Variants in CCSER1 observed in about 807,000 individuals in gnomAD.
CCSER1 encodes the protein coiled-coil serine rich protein 1, also known as serine-rich coiled-coil domain-containing protein 1.
Under a neutral mutation model 82.0 loss-of-function variants are expected in CCSER1, and 41 were observed. The observed-to-expected ratio is 0.50, with a 90% confidence interval of 0.39 to 0.65. The LOEUF (loss-of-function observed/expected upper bound fraction) is 0.65. CCSER1 is among the 30% of genes least tolerant of loss of function. CCSER1 has a pLI of 0.00. For missense variants in CCSER1, 1,119 were observed against 1,064.2 expected, an observed-to-expected ratio of 1.05 and a Z score of -0.72; for synonymous variants, 414 against 383.9, an observed-to-expected ratio of 1.08 and a Z score of -0.92.
chr4:90,734,945 G>GT (rs1249544415), intron 7 of CCSER1, among the ~76,000 whole-genome samples: 1 of 152,184 alleles, frequency 6.6e-6, no homozygotes, highest in Non-Finnish European at 1.5e-5. Flanking sequence ...AGCATAAGCT[G>GT]TGGGTCTGTC....
At chr4:91,172,719 G>T (rs761193452) in intron 10 of CCSER1, among the ~76,000 whole-genome samples, 16 of 152,060 alleles carry the variant, frequency 1.1e-4, no homozygotes, top group Non-Finnish European at 2.1e-4. Flanking sequence ...TCATCCAGGG[G>T]TTTTCCTCCT....
intron 6 of CCSER1, among the ~76,000 whole-genome samples, chr4:90,628,956 A>G (rs114764936): frequency 5.1e-4 from 77 of 152,298 alleles, no homozygotes; most frequent in African/African-American, 1.7e-3. Flanking sequence ...TAGAAATTTT[A>G]AATTATTTTT....
At chr4:90,417,262 C>CT (rs201880242) in intron 4 of CCSER1, among the ~76,000 whole-genome samples, 2,701 of 151,970 alleles carry the variant, frequency 0.018, 48 homozygotes, top group African/African-American at 0.036. Context: ...AATGCATGAA[C>CT]TTTTTTTCTG....
chr4:91,045,125 T>C (rs1319872997), intron 9 of CCSER1, among the ~76,000 whole-genome samples: 2 of 152,186 alleles, frequency 1.3e-5, no homozygotes, highest in African/African-American at 2.4e-5. Flanking sequence ...GCTCTAGTTT[T>C]TGGTAAAATA....
At chr4:91,155,762 C>G (rs1161662707) in intron 10 of CCSER1, among the ~76,000 whole-genome samples, 1 of 151,648 alleles carries the variant, frequency 6.6e-6, no homozygotes, top group African/African-American at 2.4e-5. Context: ...GAAAAGATAA[C>G]AGGATATTGA....
chr4:91,159,693 A>G (rs1004984495), intron 10 of CCSER1, among the ~76,000 whole-genome samples: 2 of 151,988 alleles, frequency 1.3e-5, no homozygotes, highest in Admixed American at 6.6e-5. Flanking sequence ...TTTAAAAATT[A>G]GAATCAGTGA....
intron 8 of CCSER1, among the ~76,000 whole-genome samples, chr4:90,886,398 A>T (rs903642711): frequency 2.2e-4 from 34 of 152,274 alleles, no homozygotes; most frequent in Admixed American, 2.0e-3. Flanking sequence ...AATAATTATC[A>T]GCCTAAGTGA....
At chr4:90,945,030 T>C (rs1455293164) in intron 9 of CCSER1, among the ~76,000 whole-genome samples, 1 of 152,194 alleles carries the variant, frequency 6.6e-6, no homozygotes, top group Non-Finnish European at 1.5e-5. Context: ...TTCCGTGTTT[T>C]GAATGTTTTA....
intron 10 of CCSER1, among the ~76,000 whole-genome samples, chr4:91,188,273 T>G (rs905181736): frequency 5.9e-5 from 9 of 152,278 alleles, no homozygotes; most frequent in African/African-American, 1.7e-4. Context: ...TTCTCAGTTT[T>G]CAGGAAACAT....
intron 9 of CCSER1, among the ~76,000 whole-genome samples, chr4:91,062,387 G>A (rs1744032991): frequency 6.6e-6 from 1 of 151,942 alleles, no homozygotes; most frequent in South Asian, 2.1e-4. Flanking sequence ...TGCTGATCTG[G>A]CTCATTGTAC....
intron 5 of CCSER1, among the ~76,000 whole-genome samples, chr4:90,478,741 T>C (rs187980436): frequency 6.6e-6 from 1 of 150,526 alleles, no homozygotes; most frequent in Non-Finnish European, 1.5e-5. Flanking sequence ...CTTTTTTTTT[T>C]TTTTTTTTAT....
intron 7 of CCSER1, among the ~76,000 whole-genome samples, chr4:90,788,682 T>C (rs1754845996): frequency 6.6e-6 from 1 of 152,200 alleles, no homozygotes; most frequent in Non-Finnish European, 1.5e-5. Flanking sequence ...AAATAATATA[T>C]CCTGACTTAC....
chr4:90,203,608 G>T (rs530972094), intron 1 of CCSER1, among the ~76,000 whole-genome samples: 3 of 152,308 alleles, frequency 2.0e-5, no homozygotes, highest in African/African-American at 7.2e-5. Flanking sequence ...ATGGGCATTT[G>T]AGTTGGTTCC....
intron 8 of CCSER1, among the ~76,000 whole-genome samples, chr4:90,922,688 A>G (rs113160324): frequency 0.014 from 2,111 of 152,274 alleles, 23 homozygotes; most frequent in Non-Finnish European, 0.023. Flanking sequence ...AGAGGCATTT[A>G]GTAAATACAT....
At chr4:90,995,590 T>G (rs1373296958) in intron 9 of CCSER1, among the ~76,000 whole-genome samples, 2 of 152,122 alleles carry the variant, frequency 1.3e-5, no homozygotes, top group East Asian at 3.8e-4. Context: ...TGAGATTACT[T>G]TCTACTCACA....
At chr4:90,769,704 A>G (rs1668567940) in intron 7 of CCSER1, among the ~76,000 whole-genome samples, 1 of 152,194 alleles carries the variant, frequency 6.6e-6, no homozygotes, top group East Asian at 1.9e-4. Context: ...GTATTTATGG[A>G]ACTAGACCTG....
chr4:90,672,537 C>T (rs1210030587), intron 6 of CCSER1, among the ~76,000 whole-genome samples: 1 of 152,000 alleles, frequency 6.6e-6, no homozygotes, highest in Non-Finnish European at 1.5e-5. Context: ...ACTTTTTCTG[C>T]ACCAGCAATA....
At chr4:91,426,722 G>A (rs1005629909) in intron 10 of CCSER1, among the ~76,000 whole-genome samples, 1 of 152,048 alleles carries the variant, frequency 6.6e-6, no homozygotes, top group Admixed American at 6.6e-5. Flanking sequence ...TCTGATTTGT[G>A]TGTTTGCATA....
chr4:91,388,754 A>G (rs973782726), intron 10 of CCSER1, among the ~76,000 whole-genome samples: 4 of 152,006 alleles, frequency 2.6e-5, no homozygotes, highest in African/African-American at 9.7e-5. Flanking sequence ...GTAGCTTTAT[A>G]ATAGGTCTCA....
Sources: gnomAD v4.1 joint callset for allele counts (sites outside exome capture counted in the v4.1 genomes callset) on GRCh38, gnomAD v4.1.1 for gene constraint, MANE v1.5 for transcripts, NCBI Gene and HGNC (gene_info 2026-07-23, HGNC 2026-07-21) for gene names.